Variants in PDE7B observed in about 807,000 individuals in gnomAD.
The protein encoded by PDE7B is 3',5'-cyclic-AMP phosphodiesterase 7B.
A neutral mutation model predicts 56.2 loss-of-function variants in PDE7B; 29 were observed. That is an observed-to-expected ratio of 0.52 (90% CI 0.38 to 0.70). The LOEUF (loss-of-function observed/expected upper bound fraction) is 0.70. Ranked by LOEUF, PDE7B falls within the 30% of genes least tolerant of loss-of-function variation. The probability of loss-of-function intolerance (pLI) is 0.00; values close to 1 mark genes in which losing one functional copy is unlikely to be tolerated. For synonymous variants in PDE7B, 197 were observed against 196.9 expected, an observed-to-expected ratio of 1.00 and a Z score of 0.00; for missense variants, 490 against 565.0, an observed-to-expected ratio of 0.87 and a Z score of 1.35.
chr6:135,968,262 T>G (rs145971387), intron 2 of PDE7B, among the ~76,000 whole-genome samples: 1 of 152,106 alleles, frequency 6.6e-6, no homozygotes, highest in Non-Finnish European at 1.5e-5. Context: ...GATTTCATGA[T>G]GAAAATGTCA....
chr6:136,011,065 G>A (rs1457169216), intron 2 of PDE7B, among the ~76,000 whole-genome samples: 1 of 151,860 alleles, frequency 6.6e-6, no homozygotes, highest in African/African-American at 2.4e-5. Context: ...CACAAGCTGG[G>A]GTTCATTTGT....
intron 3 of PDE7B, among the ~76,000 whole-genome samples, chr6:136,139,741 C>T (rs867893744): frequency 2.0e-4 from 31 of 152,126 alleles, no homozygotes; most frequent in Admixed American, 4.6e-4. Context: ...CATTTTTTCA[C>T]GTGTCTTTTG....
intron 1 of PDE7B, among the ~76,000 whole-genome samples, chr6:135,926,777 G>A (rs1774199670): frequency 6.6e-6 from 1 of 152,022 alleles, no homozygotes; most frequent in Admixed American, 6.6e-5. Flanking sequence ...CCAATCTAAC[G>A]ACTTCTACTG....
intron 3 of PDE7B, among the ~76,000 whole-genome samples, chr6:136,140,019 G>C (rs1338625537): frequency 6.6e-6 from 1 of 152,104 alleles, no homozygotes; most frequent in East Asian, 1.9e-4. Context: ...CATTGCTTTT[G>C]GTGTTTTAGA....
chr6:136,153,706 A>G (rs929723082), intron 6 of PDE7B, among the ~76,000 whole-genome samples: 1 of 152,166 alleles, frequency 6.6e-6, no homozygotes, highest in Non-Finnish European at 1.5e-5. Context: ...CATATTATTT[A>G]TAAACAGCAG....
chr6:135,990,286 G>A (rs1373438232), intron 2 of PDE7B, among the ~76,000 whole-genome samples: 1 of 152,048 alleles, frequency 6.6e-6, no homozygotes, highest in Admixed American at 6.5e-5. Flanking sequence ...AGTAGAGACG[G>A]GGTTTCACCA....
chr6:136,185,990 G>A (rs569612453), intron 11 of PDE7B, among the ~76,000 whole-genome samples: 3 of 151,982 alleles, frequency 2.0e-5, no homozygotes, highest in East Asian at 3.9e-4. Context: ...ATAAAGTTTT[G>A]TACAATACAT....
chr6:136,147,790 C>T (rs1285063443), intron 4 of PDE7B, among the ~76,000 whole-genome samples: 2 of 152,188 alleles, frequency 1.3e-5, no homozygotes, highest in Admixed American at 1.3e-4. Context: ...TTGCACGATA[C>T]TAAGTAAAGC....
chr6:135,948,843 CTAGATAGATAGATAGA>C (rs35143164), intron 2 of PDE7B, among the ~76,000 whole-genome samples: 1,607 of 132,418 alleles, frequency 0.012, 18 homozygotes, highest in East Asian at 0.028. Flanking sequence ...ATTTCAGGTA[CTAGATAGATAGATAGA>C]TAGATAGATA....
chr6:136,049,846 A>G (rs139553619), intron 2 of PDE7B, among the ~76,000 whole-genome samples: 113 of 152,350 alleles, frequency 7.4e-4, no homozygotes, highest in South Asian at 3.5e-3. Flanking sequence ...ACTCTTGTAG[A>G]ACCATTGAAA....
intron 8 of PDE7B, among the ~76,000 whole-genome samples, chr6:136,158,007 A>T (rs1275266585): frequency 6.6e-6 from 1 of 152,240 alleles, no homozygotes; most frequent in East Asian, 1.9e-4. Flanking sequence ...CATGACCTGG[A>T]TCAAGAAATC....
At position 135,982,078 on chromosome 6, in the gene PDE7B, T is replaced by C. The variant is rs142887816; in HGVS notation, c.82+34554T>C. Among the ~76,000 whole-genome samples, 243 of 152,250 alleles carry C rather than the reference T, an allele frequency of 1.6e-3. 1 individual carries two copies. The East Asian group carries it at 0.028, about 17-fold the overall frequency. ...CAGTTTGTCATTGACCCACACGGTC[T>C]TACACAGCACATGACTATACTTATC... is the stretch of plus-strand genomic sequence containing the variant. On this transcript the variant is annotated intron_variant, in intron 2 of 12. Transcript: ENST00000308191.
intron 3 of PDE7B, 23 bp from the exon 4 acceptor site, chr6:136,147,328 C>A (rs867063359): frequency 1.9e-6 from 3 of 1,564,164 alleles, no homozygotes; most frequent in East Asian, 2.3e-5. Context: ...ATATAAATTT[C>A]TTGACTTGAT....
chr6:135,896,700 A>G (rs1210160144), intron 1 of PDE7B, among the ~76,000 whole-genome samples: 3 of 152,160 alleles, frequency 2.0e-5, no homozygotes, highest in Non-Finnish European at 4.4e-5. Context: ...AAATGATGGT[A>G]TAGCTGAGAA....
rs576794282 is a variant in PDE7B at position 135,944,470 on chromosome 6, C to G, written c.22-2994C>G. 1.0e-3 allele frequency among the ~76,000 whole-genome samples: 158 copies of G among 152,058 alleles called. 2 individuals are homozygous for G. Among genetic ancestry groups the G allele is most frequent in the African/African-American group, 3.6e-3 (150 of 41,486 alleles). On this transcript the variant is annotated intron_variant, in intron 1 of 12. Transcript: ENST00000308191. ...TTGCTTTCAAATCTGTTACCATCATCAGGTAACTTTACAAAACAGGGCAAT... is the reference window on the plus strand; with the variant it reads ...TTGCTTTCAAATCTGTTACCATCATGAGGTAACTTTACAAAACAGGGCAAT...
intron 1 of PDE7B, among the ~76,000 whole-genome samples, chr6:135,944,337 C>A (rs143058832): frequency 3.4e-4 from 52 of 152,196 alleles, no homozygotes; most frequent in African/African-American, 1.2e-3. Flanking sequence ...GCACAGCAAG[C>A]AGGAGCCTGG....
intron 2 of PDE7B, among the ~76,000 whole-genome samples, chr6:136,031,532 G>A (rs1266880848): frequency 1.3e-5 from 2 of 151,962 alleles, no homozygotes; most frequent in African/African-American, 2.4e-5. Flanking sequence ...GAGGTCAGGA[G>A]ATCGAGACCA....
intron 2 of PDE7B, among the ~76,000 whole-genome samples, chr6:135,965,847 T>C (rs1032574622): frequency 6.6e-6 from 1 of 152,130 alleles, no homozygotes; most frequent in Non-Finnish European, 1.5e-5. Flanking sequence ...TGAGGAGTCC[T>C]CATGAGGACT....
chr6:136,014,165 C>T (rs1775937105), intron 2 of PDE7B, among the ~76,000 whole-genome samples: 1 of 152,110 alleles, frequency 6.6e-6, no homozygotes, highest in Non-Finnish European at 1.5e-5. Context: ...AGATTATTTT[C>T]ATAATTTTGC....
Sources: allele counts gnomAD v4.1 joint callset (sites outside exome capture counted in the v4.1 genomes callset), GRCh38; gene constraint gnomAD v4.1.1; transcripts MANE v1.5; gene names NCBI Gene and HGNC (gene_info 2026-07-23, HGNC 2026-07-21).